Variants in SCN11A observed in about 807,000 individuals in gnomAD.
SCN11A encodes sodium channel protein type 11 subunit alpha.
A neutral mutation model predicts 162.2 loss-of-function variants in SCN11A; 122 were observed. That is an observed-to-expected ratio of 0.75 (90% confidence interval 0.65 to 0.87). The LOEUF is 0.87. SCN11A is among the 40% of genes least tolerant of loss of function. The pLI is 0.00. For synonymous variants in SCN11A, 758 were observed against 751.5 expected (o/e 1.01, Z -0.14); for missense variants, 2,015 against 2,181.6 (o/e 0.92, Z 1.52).
At chr3:38,893,735 TAAAC>T (rs2065538952) in intron 19 of SCN11A, among the ~76,000 whole-genome samples, 1 of 151,852 alleles carries the variant, frequency 6.6e-6, no homozygotes, top group South Asian at 2.1e-4. Context: ...TTATAAATAT[TAAAC>T]AACACATTTT....
intron 1 of SCN11A, among the ~76,000 whole-genome samples, chr3:39,044,783 C>T (rs76523951): frequency 0.035 from 5,383 of 151,692 alleles, 303 homozygotes; most frequent in African/African-American, 0.12. Flanking sequence ...CAAGAACCAA[C>T]GAAACTCAAA....
At chr3:38,965,701 C>CT (rs1038737572) in intron 2 of SCN11A, among the ~76,000 whole-genome samples, 231 of 151,576 alleles carry the variant, frequency 1.5e-3, no homozygotes, top group African/African-American at 5.0e-3. Context: ...CTTTCTTTTT[C>CT]TTTTTTTTTC....
intron 2 of SCN11A, among the ~76,000 whole-genome samples, chr3:38,971,047 C>T (rs2066813470): frequency 1.3e-5 from 2 of 152,190 alleles, no homozygotes; most frequent in Admixed American, 1.3e-4. Context: ...ATCCTGTTGC[C>T]GTGGCTCAAA....
At chr3:38,863,059 T>G (rs1474050651) in intron 28 of SCN11A, 136 bp downstream of exon 28, 2 of 611,362 alleles carry the variant, frequency 3.3e-6, no homozygotes, top group Non-Finnish European at 5.8e-6. Flanking sequence ...CCTAAGTGTT[T>G]GAATATGTCT....
At chr3:38,913,238 G>A (rs1385461800) in intron 11 of SCN11A, among the ~76,000 whole-genome samples, 2 of 152,026 alleles carry the variant, frequency 1.3e-5, no homozygotes, top group East Asian at 3.8e-4. Context: ...GGTCAGTGAT[G>A]TTGAGCTTTT....
intron 2 of SCN11A, among the ~76,000 whole-genome samples, chr3:39,026,922 A>T (rs2031602945): frequency 6.6e-6 from 1 of 152,196 alleles, no homozygotes; most frequent in Non-Finnish European, 1.5e-5. Context: ...CTGGGTCTTC[A>T]GGGCTTAGAA....
At chr3:38,908,655 G>A (rs2065838588) in intron 13 of SCN11A, among the ~76,000 whole-genome samples, 1 of 152,074 alleles carries the variant, frequency 6.6e-6, no homozygotes. Context: ...AACATCTCCA[G>A]ATTTCCAAAA....
intron 15 of SCN11A, among the ~76,000 whole-genome samples, chr3:38,904,516 C>CA (rs1218978990): frequency 6.6e-6 from 1 of 152,050 alleles, no homozygotes; most frequent in Non-Finnish European, 1.5e-5. Flanking sequence ...AGGGAAGGGG[C>CA]ATCTATAAGC....
At chr3:38,925,658 C>G in intron 8 of SCN11A, 149 bp from the exon 9 acceptor site, 1 of 619,528 alleles carries the variant, frequency 1.6e-6, no homozygotes, top group Non-Finnish European at 2.9e-6. Context: ...CCACCTTTAT[C>G]TTAGGATCTG....
intron 28 of SCN11A, among the ~76,000 whole-genome samples, chr3:38,856,530 C>T (rs935450487): frequency 6.6e-6 from 1 of 152,052 alleles, no homozygotes; most frequent in Non-Finnish European, 1.5e-5. Flanking sequence ...TACTCTTCAC[C>T]CTGATAAAAC....
chr3:38,859,394 C>T (rs778349077), intron 28 of SCN11A, among the ~76,000 whole-genome samples: 21 of 151,978 alleles, frequency 1.4e-4, no homozygotes, highest in Non-Finnish European at 1.9e-4. Flanking sequence ...CAAACACATA[C>T]ATGCACAAAT....
intron 2 of SCN11A, among the ~76,000 whole-genome samples, chr3:38,992,778 A>T (rs978406376): frequency 6.6e-6 from 1 of 152,244 alleles, no homozygotes; most frequent in Non-Finnish European, 1.5e-5. Flanking sequence ...GCCAAGCATC[A>T]TATCTCCCAG....
intron 4 of SCN11A, among the ~76,000 whole-genome samples, chr3:38,953,100 TG>T (rs1374926854): frequency 6.6e-6 from 1 of 152,108 alleles, no homozygotes; most frequent in Non-Finnish European, 1.5e-5. Flanking sequence ...CTCTAACTAT[TG>T]GGAATTGGCA....
intron 11 of SCN11A, among the ~76,000 whole-genome samples, chr3:38,911,973 G>A (rs1417839489): frequency 6.6e-6 from 1 of 152,148 alleles, no homozygotes; most frequent in Non-Finnish European, 1.5e-5. Flanking sequence ...TGGTGAGCCT[G>A]AGCTGTTCAT....
chr3:38,932,384 C>G (rs1373877365), intron 7 of SCN11A, among the ~76,000 whole-genome samples: 1 of 152,164 alleles, frequency 6.6e-6, no homozygotes, highest in Non-Finnish European at 1.5e-5. Context: ...ACAGTGGGTG[C>G]AGCGCACCGT....
intron 5 of SCN11A, among the ~76,000 whole-genome samples, chr3:38,948,688 C>T (rs751233647): frequency 2.0e-5 from 3 of 152,210 alleles, no homozygotes; most frequent in Non-Finnish European, 4.4e-5. Flanking sequence ...GAGCTCTAAA[C>T]AGATATCGTG....
chr3:39,031,208 A>G (rs552442294), intron 2 of SCN11A, among the ~76,000 whole-genome samples: 37 of 152,322 alleles, frequency 2.4e-4, no homozygotes, highest in African/African-American at 8.9e-4. Context: ...TCAAAAGGAT[A>G]TTGTAAATAC....
intron 21 of SCN11A, among the ~76,000 whole-genome samples, chr3:38,884,179 C>CA (rs1308848137): frequency 2.0e-5 from 3 of 152,154 alleles, no homozygotes; most frequent in Non-Finnish European, 2.9e-5. Flanking sequence ...TTTCTTCTTC[C>CA]AAAAACATCA....
chr3:39,021,776 G>C (rs1230480892), intron 2 of SCN11A, among the ~76,000 whole-genome samples: 1 of 152,154 alleles, frequency 6.6e-6, no homozygotes, highest in African/African-American at 2.4e-5. Context: ...AAAATTCAAT[G>C]TTGTCTGGAT....
Sources: gnomAD v4.1 joint callset for allele counts (sites outside exome capture counted in the v4.1 genomes callset) on GRCh38, gnomAD v4.1.1 for gene constraint, MANE v1.5 for transcripts, NCBI Gene and HGNC (gene_info 2026-07-23, HGNC 2026-07-21) for gene names.